The following SLC4A5 variants were observed in gnomAD, a reference collection of about 807,000 sequenced individuals.
The protein encoded by SLC4A5 is solute carrier family 4 member 5.
In SLC4A5, 96 loss-of-function variants were observed where a neutral mutation model predicts 120.4. The observed-to-expected ratio is 0.80, with a 90% CI of 0.68 to 0.94. The LOEUF (loss-of-function observed/expected upper bound fraction) is 0.94. SLC4A5 is among the 40% of genes least tolerant of loss of function. The pLI, the probability that SLC4A5 is intolerant of heterozygous loss-of-function variation, is 0.00. For missense variants in SLC4A5, 1,259 were observed against 1,459.5 expected, an observed-to-expected ratio of 0.86 and a Z score of 2.24; for synonymous variants, 550 against 571.1, an observed-to-expected ratio of 0.96 and a Z score of 0.53.
At chr2:74,283,769 GA>G (rs370265290) in intron 8 of SLC4A5, among the ~76,000 whole-genome samples, 8 of 151,904 alleles carry the variant, frequency 5.3e-5, no homozygotes, top group African/African-American at 1.9e-4. Flanking sequence ...TTCGAGGAGT[GA>G]AAATATTTTA....
At chr2:74,239,385 T>C (rs1670365161) in exon 21 of SLC4A5, 39 of 1,614,216 alleles carry the variant, frequency 2.4e-5, no homozygotes, top group Non-Finnish European at 3.3e-5. Flanking sequence ...GTCAGGGTCA[T>C]GGAGTATGTC....
intron 9 of SLC4A5, 51 bp from the exon 10 acceptor site, chr2:74,264,350 G>A: frequency 6.4e-7 from 1 of 1,553,356 alleles, no homozygotes; most frequent in South Asian, 1.2e-5. Context: ...ACAGCTCCAG[G>A]GTATGGAAGT....
At chr2:74,332,750 T>C (rs1231597879) in intron 4 of SLC4A5, among the ~76,000 whole-genome samples, 5 of 151,262 alleles carry the variant, frequency 3.3e-5, no homozygotes, top group Non-Finnish European at 5.9e-5. Flanking sequence ...TGTATGTGCA[T>C]GAAAGAGAGA....
At chr2:74,284,384 G>A (rs1381607398) in intron 8 of SLC4A5, among the ~76,000 whole-genome samples, 1 of 76,594 alleles carries the variant, frequency 1.3e-5, no homozygotes, top group Non-Finnish European at 2.1e-5. Context: ...GTTTCACCTT[G>A]TTAGCCAGGA....
chr2:74,221,790 G>A (rs1018245368), intron 29 of SLC4A5, among the ~76,000 whole-genome samples: 2 of 152,116 alleles, frequency 1.3e-5, no homozygotes, highest in Non-Finnish European at 2.9e-5. Flanking sequence ...ATGATGGACA[G>A]TGCTGATGGG....
At chr2:74,245,102 C>T (rs1573020671) in intron 19 of SLC4A5, among the ~76,000 whole-genome samples, 1 of 152,122 alleles carries the variant, frequency 6.6e-6, no homozygotes, top group African/African-American at 2.4e-5. Flanking sequence ...AGGCAGATCA[C>T]GAGGTCAAGA....
intron 7 of SLC4A5, among the ~76,000 whole-genome samples, chr2:74,295,400 G>A (rs1278140534): frequency 2.6e-5 from 4 of 152,108 alleles, no homozygotes; most frequent in African/African-American, 4.8e-5. Context: ...TTGGGAGGCC[G>A]AAGTGGGTGG....
At chr2:74,305,298 T>C (rs1672607603) in intron 6 of SLC4A5, among the ~76,000 whole-genome samples, 1 of 152,210 alleles carries the variant, frequency 6.6e-6, no homozygotes, top group Non-Finnish European at 1.5e-5. Context: ...ACCTCTCAGA[T>C]AGGACATTGC....
At chr2:74,246,826 T>G (rs1670626625) in intron 19 of SLC4A5, among the ~76,000 whole-genome samples, 1 of 152,212 alleles carries the variant, frequency 6.6e-6, no homozygotes, top group South Asian at 2.1e-4. Context: ...TGTGCCCTCC[T>G]GATGACAACC....
intron 30 of SLC4A5, among the ~76,000 whole-genome samples, chr2:74,219,028 T>C (rs537363203): frequency 9.8e-5 from 15 of 152,306 alleles, no homozygotes; most frequent in Non-Finnish European, 1.6e-4. Context: ...AATTTGGTGA[T>C]TCCTCATTGG....
At chr2:74,320,776 C>G (rs964107398) in intron 5 of SLC4A5, among the ~76,000 whole-genome samples, 1 of 152,116 alleles carries the variant, frequency 6.6e-6, no homozygotes, top group Admixed American at 6.5e-5. Flanking sequence ...CAGAGAGCAA[C>G]AGGCACATCT....
chr2:74,245,248 G>C (rs1414588847), intron 19 of SLC4A5, among the ~76,000 whole-genome samples: 1 of 152,180 alleles, frequency 6.6e-6, no homozygotes, highest in African/African-American at 2.4e-5. Flanking sequence ...GAACCCAGGA[G>C]GCAGAGGTTG....
intron 5 of SLC4A5, among the ~76,000 whole-genome samples, chr2:74,318,862 A>C (rs1204315404): frequency 6.6e-6 from 1 of 152,202 alleles, no homozygotes; most frequent in Non-Finnish European, 1.5e-5. Context: ...GTATATGCCC[A>C]AAGGAAAAGA....
chr2:74,306,858 C>T (rs537659622), intron 6 of SLC4A5: 38 of 641,276 alleles, frequency 5.9e-5, no homozygotes, highest in South Asian at 5.1e-4. Flanking sequence ...GAAGTCCTTG[C>T]CATCTTCCAG....
intron 5 of SLC4A5, among the ~76,000 whole-genome samples, chr2:74,318,367 T>C (rs901730963): frequency 6.6e-6 from 1 of 152,178 alleles, no homozygotes; most frequent in Admixed American, 6.5e-5. Flanking sequence ...AGATACCATC[T>C]TACACCAGCC....
chr2:74,330,770 CATGGAGGTGGTGAGGTCTAG>C (rs1486168675), intron 4 of SLC4A5, among the ~76,000 whole-genome samples: 1 of 118,040 alleles, frequency 8.5e-6, no homozygotes, highest in Non-Finnish European at 1.7e-5. Flanking sequence ...CTGATGTCTA[CATGGAGGTGGTGAGGTCTAG>C]ATGGAGGCAG....
intron 8 of SLC4A5, among the ~76,000 whole-genome samples, chr2:74,276,142 AGAG>A (rs1406818278): frequency 6.6e-6 from 1 of 152,148 alleles, no homozygotes; most frequent in African/African-American, 2.4e-5. Context: ...GAGAGAAAGG[AGAG>A]GAGAAGGAGA....
intron 30 of SLC4A5, among the ~76,000 whole-genome samples, chr2:74,219,213 G>A (rs868000780): frequency 1.9e-5 from 2 of 107,768 alleles, no homozygotes; most frequent in South Asian, 5.3e-4. Context: ...GTGTGTGTGT[G>A]TGTGTGTTTG....
At chr2:74,329,780 A>G (rs1365651737) in intron 4 of SLC4A5, among the ~76,000 whole-genome samples, 1 of 151,718 alleles carries the variant, frequency 6.6e-6, no homozygotes, top group East Asian at 1.9e-4. Flanking sequence ...GGAGATGGTG[A>G]GGTGTATATG....
Sources: allele counts gnomAD v4.1 joint callset (sites outside exome capture counted in the v4.1 genomes callset), GRCh38; gene constraint gnomAD v4.1.1; transcripts MANE v1.5; gene names NCBI Gene and HGNC (gene_info 2026-07-23, HGNC 2026-07-21).